The following TWIST2 variants were observed in gnomAD, a reference collection of about 807,000 sequenced individuals.
TWIST2 encodes the protein twist-related protein 2.
TWIST2 carries 1 observed loss-of-function variant against 11.6 expected under a neutral mutation model. That is an observed-to-expected ratio of 0.09 (90% CI 0.03 to 0.41). The LOEUF is 0.41. Ranked by LOEUF, TWIST2 falls within the 10% of genes least tolerant of loss-of-function variation. The pLI, the probability that TWIST2 is intolerant of heterozygous loss-of-function variation, is 0.98. For missense variants in TWIST2, 168 were observed against 226.4 expected (o/e 0.74, Z 1.66); for synonymous variants, 87 against 96.6 (o/e 0.90, Z 0.58).
intron 1 of TWIST2, among the ~76,000 whole-genome samples, chr2:238,883,702 G>T (rs1692981032): frequency 6.6e-6 from 1 of 152,148 alleles, no homozygotes; most frequent in Non-Finnish European, 1.5e-5. Context: ...TGAGTAAGAA[G>T]AATTCCCAGC....
At chr2:238,906,878 C>T (rs1201285396) in intron 1 of TWIST2, among the ~76,000 whole-genome samples, 8 of 152,222 alleles carry the variant, frequency 5.3e-5, no homozygotes, top group Non-Finnish European at 8.8e-5. Flanking sequence ...GGTCTCGTTG[C>T]GCTGGTTTGC....
intron 1 of TWIST2, among the ~76,000 whole-genome samples, chr2:238,890,310 A>G (rs1207242398): frequency 1.3e-5 from 2 of 152,204 alleles, no homozygotes; most frequent in African/African-American, 4.8e-5. Context: ...GGACCGGCAC[A>G]GTGAGAGCAC....
chr2:238,890,635 T>A (rs1693115022), intron 1 of TWIST2, among the ~76,000 whole-genome samples: 1 of 152,202 alleles, frequency 6.6e-6, no homozygotes, highest in African/African-American at 2.4e-5. Flanking sequence ...TAAAATCAAA[T>A]GCCATAAGAC....
chr2:238,908,262 CA>C (rs1298548674), intron 1 of TWIST2, among the ~76,000 whole-genome samples: 2 of 148,078 alleles, frequency 1.4e-5, no homozygotes, highest in Admixed American at 1.4e-4. Flanking sequence ...CCACATACAC[CA>C]TGCACCATAC....
chr2:238,905,900 T>C (rs1169972116), intron 1 of TWIST2, among the ~76,000 whole-genome samples: 18 of 119,908 alleles, frequency 1.5e-4, no homozygotes, highest in East Asian at 5.6e-4. Flanking sequence ...CATGCGCGTG[T>C]GTGCGTGTGT....
chr2:238,893,024 C>G (rs1035284201), intron 1 of TWIST2, among the ~76,000 whole-genome samples: 1 of 152,108 alleles, frequency 6.6e-6, no homozygotes, highest in Admixed American at 6.5e-5. Flanking sequence ...TCTGGTTAAC[C>G]ACGCCCCCAA....
In TWIST2 at chr2:238,848,121, A is replaced by G. The variant is rs774246924; in HGVS notation, c.-95A>G. On this transcript the variant is annotated 5_prime_UTR_variant, in exon 1 of 2. Coordinates refer to ENST00000612363, the MANE Select transcript of TWIST2 (RefSeq NM_001271893.4). ...CCTTGAAATCAGAGCCTTTCCAGCA[A>G]CTCCGAGAGCGTGTGCTCGGCGACC... 9.8e-7 allele frequency: 1 copy of G among 1,024,344 alleles called. No homozygotes were observed. Among genetic ancestry groups the G allele is most frequent in the South Asian group, 4.7e-5 (1 of 21,214 alleles). The allele number at this position is 1,024,344 out of a possible 1,614,324, so 63.5% of individuals were successfully genotyped here.
intron 1 of TWIST2, among the ~76,000 whole-genome samples, chr2:238,885,911 C>G (rs565152910): frequency 6.6e-6 from 1 of 152,112 alleles, no homozygotes; most frequent in East Asian, 1.9e-4. Flanking sequence ...GCCTAGACAA[C>G]ATGGTGAAAA....
intron 1 of TWIST2, among the ~76,000 whole-genome samples, chr2:238,906,452 A>G (rs1221287287): frequency 6.6e-6 from 1 of 151,764 alleles, no homozygotes; most frequent in African/African-American, 2.4e-5. Context: ...ACACATACAC[A>G]TGCATACTGA....
rs532227487 is a variant in TWIST2, at chr2:238,866,662, A to T, written c.*35+17929A>T. On this transcript the variant is annotated intron_variant, in intron 1 of 1. Transcript: ENST00000612363. This position sits in a 1 kb window ranked among gnomAD's most constrained non-coding sequence, Gnocchi z 4.9. Reference sequence around the variant, plus strand: ...ACAGAGCGAGACTCCACCATGGAAAAAAAAAAGAAAAGCACGGCGCCTTCA... The same window carrying T: ...ACAGAGCGAGACTCCACCATGGAAATAAAAAAGAAAAGCACGGCGCCTTCA... 5.3e-5 allele frequency among the ~76,000 whole-genome samples: 8 copies of T among 152,128 alleles called. No homozygotes were observed. Among genetic ancestry groups the T allele is most frequent in the East Asian group, 3.9e-4 (2 of 5,168 alleles).
intron 1 of TWIST2, among the ~76,000 whole-genome samples, chr2:238,865,373 G>T (rs1692512571): frequency 6.6e-6 from 1 of 152,212 alleles, no homozygotes. Flanking sequence ...GCAGCAGGGA[G>T]TACCCCGGAG....
chr2:238,893,721 G>A (rs1057004260), intron 1 of TWIST2, among the ~76,000 whole-genome samples: 4 of 152,210 alleles, frequency 2.6e-5, no homozygotes, highest in Admixed American at 2.6e-4. Flanking sequence ...AGGAAGCGCC[G>A]ATCGCCGGCC....
intron 1 of TWIST2, among the ~76,000 whole-genome samples, chr2:238,896,010 C>T (rs1256333547): frequency 2.6e-5 from 4 of 152,206 alleles, no homozygotes; most frequent in African/African-American, 7.2e-5. Flanking sequence ...GTCCTCGCTC[C>T]CCTGGAGGAG....
intron 1 of TWIST2, among the ~76,000 whole-genome samples, chr2:238,860,906 C>T (rs1443584216): frequency 1.3e-5 from 2 of 152,190 alleles, no homozygotes; most frequent in African/African-American, 4.8e-5. Flanking sequence ...CCACTGCCCT[C>T]CAGCCTGGGT....
intron 1 of TWIST2, among the ~76,000 whole-genome samples, chr2:238,850,229 A>C (rs2106346940): frequency 6.6e-6 from 1 of 152,332 alleles, no homozygotes; most frequent in East Asian, 1.9e-4. Flanking sequence ...ACTTGTGGGA[A>C]TCTTCTCCTG....
At chr2:238,870,463 C>CAA (rs1692651050) in intron 1 of TWIST2, among the ~76,000 whole-genome samples, 1 of 143,888 alleles carries the variant, frequency 6.9e-6, no homozygotes, top group African/African-American at 2.6e-5. Context: ...ACACACCACA[C>CAA]ACCCGACACA....
intron 1 of TWIST2, among the ~76,000 whole-genome samples, chr2:238,858,624 C>G (rs1692371524): frequency 6.6e-6 from 1 of 152,126 alleles, no homozygotes; most frequent in African/African-American, 2.4e-5. Context: ...CCCATGTGGT[C>G]CGAGGCAAGT....
chr2:238,862,510 T>C lies in TWIST2; in HGVS notation c.*35+13777T>C, dbSNP rs138306637. On this transcript the variant is annotated intron_variant, in intron 1 of 1. Transcript: ENST00000612363. ...AGGAATTAGAAATAAAACAGAAGGATATTATTTTTTATTAAATTGGAAAAA... is the reference window on the plus strand; with the variant it reads ...AGGAATTAGAAATAAAACAGAAGGACATTATTTTTTATTAAATTGGAAAAA... Among the ~76,000 whole-genome samples the C allele has an allele frequency of 3.8e-3, 573 of 152,332 alleles. 2 individuals carry two copies. Among genetic ancestry groups the C allele is most frequent in the African/African-American group, 0.013 (536 of 41,578 alleles).
intron 1 of TWIST2, among the ~76,000 whole-genome samples, chr2:238,871,409 A>C (rs1167904182): frequency 1.7e-5 from 1 of 58,378 alleles, no homozygotes; most frequent in African/African-American, 7.1e-5. Flanking sequence ...CACACACCCC[A>C]CACACACCAC....
Sources: gnomAD v4.1 joint callset for allele counts (sites outside exome capture counted in the v4.1 genomes callset) on GRCh38, gnomAD v4.1.1 for gene constraint, Gnocchi (gnomAD v3.1) non-coding constraint, MANE v1.5 for transcripts, NCBI Gene and HGNC (gene_info 2026-07-23, HGNC 2026-07-21) for gene names.